The following ZSCAN30 variants were observed in gnomAD, a reference collection of about 807,000 sequenced individuals.
ZSCAN30 encodes zinc finger and SCAN domain containing 30.
ZSCAN30 carries 37 observed loss-of-function variants against 44.3 expected under a neutral mutation model. The observed-to-expected ratio is 0.84, with a 90% CI of 0.64 to 1.10. The LOEUF is 1.10. ZSCAN30 is among the 50% of genes least tolerant of loss of function. The pLI is 0.00. For missense variants in ZSCAN30, 549 were observed against 582.6 expected, an observed-to-expected ratio of 0.94 and a Z score of 0.59; for synonymous variants, 181 against 204.6, an observed-to-expected ratio of 0.88 and a Z score of 0.98.
chr18:35,266,354 G>C (rs974595656), intron 1 of ZSCAN30, among the ~76,000 whole-genome samples: 3 of 152,118 alleles, frequency 2.0e-5, no homozygotes, highest in African/African-American at 7.2e-5. Context: ...GAAGGGGTTT[G>C]TTGCAACCAT....
chr18:35,272,855 C>T (rs912808547), intron 1 of ZSCAN30, among the ~76,000 whole-genome samples: 2 of 152,210 alleles, frequency 1.3e-5, no homozygotes, highest in African/African-American at 4.8e-5. Context: ...AGGTGAAAGG[C>T]ATGTCTCACA....
chr18:35,261,799 C>T (rs777223524), intron 3 of ZSCAN30: 28 of 152,110 alleles, frequency 1.8e-4, no homozygotes, highest in Non-Finnish European at 3.7e-4. Flanking sequence ...GGGGCTGAGA[C>T]GATAGGGTTT....
rs538590752 is a variant in ZSCAN30, at chr18:35,272,865, A to G, written c.-103-8410T>C. Among the ~76,000 whole-genome samples the G allele has an allele frequency of 9.8e-5, 15 of 152,350 alleles. No homozygotes were observed. The South Asian group carries it at 2.9e-3, about 29-fold the overall frequency. ...GTGGAAGGTGAAAGGCATGTCTCAC[A>G]TGACAACAGCACAAGGGAGAATGAG... On this transcript the variant is annotated intron_variant, in intron 1 of 3. Coordinates refer to ENST00000333206, the MANE Select transcript of ZSCAN30 (RefSeq NM_001112734.4).
rs532916172 is a variant in ZSCAN30 at position 35,276,118 on chromosome 18, T to C, written c.-103-11663A>G. Among the ~76,000 whole-genome samples, 3 of 152,338 alleles carry C rather than the reference T, an allele frequency of 2.0e-5. No homozygotes were observed. The East Asian group carries it at 5.8e-4, about 29-fold the overall frequency. On this transcript the variant is annotated intron_variant, in intron 1 of 3. Transcript: ENST00000333206. ...TCTGTAGTTTATGTTTCTTGTGATG[T>C]ATTTGACTGATTTGGATATCAAAGT...
intron 1 of ZSCAN30, among the ~76,000 whole-genome samples, chr18:35,287,550 C>G (rs1325869758): frequency 1.3e-5 from 1 of 77,182 alleles, no homozygotes; most frequent in Non-Finnish European, 2.5e-5. Flanking sequence ...AGAAATGGTA[C>G]AGAACAACTG....
At position 35,254,252 on chromosome 18, in the gene ZSCAN30, G is replaced by A. The variant is rs886488250; in HGVS notation, c.683C>T (p.Ala228Val). 1.9e-6 allele frequency: 3 copies of A among 1,614,094 alleles called. No individual in the cohort carries two copies. The highest frequency in any genetic ancestry group is 2.2e-5 in the East Asian group (1 of 44,884). The change falls in exon 4 of 4, where the codon GCT (alanine) becomes GTT (valine). Residue 228 changes from alanine to valine, a missense_variant. Ala to Val is a moderately conservative substitution (Grantham distance 64, BLOSUM62 0). Transcript: ENST00000333206. ...ETHSQRIAEE[A>V]LGGLDNSKKQ... Reference sequence around the variant, plus strand: ...CTTAGAGTTGTCCAGACCTCCCAAAGCTTCTTCAGCTATCCGTTGGGAATG... The same window carrying A: ...CTTAGAGTTGTCCAGACCTCCCAAAACTTCTTCAGCTATCCGTTGGGAATG...
At chr18:35,261,120 A>G (rs1325868510) in intron 3 of ZSCAN30, 1 of 152,050 alleles carries the variant, frequency 6.6e-6, no homozygotes, top group East Asian at 1.9e-4. Context: ...TCCTTTCCCC[A>G]TTGCTTGTTT....
At chr18:35,279,373 A>G (rs1397858866) in intron 1 of ZSCAN30, among the ~76,000 whole-genome samples, 1 of 152,174 alleles carries the variant, frequency 6.6e-6, no homozygotes, top group African/African-American at 2.4e-5. Flanking sequence ...CTCTGCCTCC[A>G]TCATCACATG....
At chr18:35,278,946 T>A (rs185350594) in intron 1 of ZSCAN30, among the ~76,000 whole-genome samples, 5 of 152,320 alleles carry the variant, frequency 3.3e-5, no homozygotes, top group Non-Finnish European at 7.4e-5. Flanking sequence ...TCTAGCAGCA[T>A]TCTCTTCATA....
rs867523669 is a variant in ZSCAN30 at position 35,251,578 on chromosome 18, C to A, written c.*1872G>T. On this transcript the variant is annotated 3_prime_UTR_variant, in exon 4 of 4. Coordinates refer to ENST00000333206, the MANE Select transcript of ZSCAN30 (RefSeq NM_001112734.4). ...TAATCCCCAGGTGTTGAGGGAGGGT[C>A]GTGGTGGGAGGTGATTAGATCATGG... 3 of 152,088 alleles carry A rather than the reference C, an allele frequency of 2.0e-5. No homozygotes were observed. Among genetic ancestry groups the A allele is most frequent in the African/African-American group, 7.2e-5 (3 of 41,390 alleles). 9.4% of individuals were successfully genotyped at this position (152,088 alleles called of 1,614,324 possible).
At chr18:35,263,832 C>A in intron 2 of ZSCAN30, 113 bp downstream of exon 2, 1 of 1,453,198 alleles carries the variant, frequency 6.9e-7, no homozygotes, top group Non-Finnish European at 9.3e-7. Context: ...ATTAATAACC[C>A]AAAAGAAAGA....
chr18:35,254,180 GA>G lies in ZSCAN30; in HGVS notation c.754del (p.Ser252ProfsTer33). On this transcript the variant is annotated frameshift_variant, in exon 4 of 4. Coordinates refer to ENST00000333206, the MANE Select transcript of ZSCAN30 (RefSeq NM_001112734.4). LOFTEE classifies it high-confidence loss of function. Reference protein sequence around the residue: ...AAGNKISQLPSQDRHFSLATF... With the variant: ...AAGNKISQLPXQDRHFSLATF... ...TGCCAGACTGAAATGTCTGTCCTGG[GA>G]AGGAAGCTGACTGATTTTGTTCCCT... is the stretch of plus-strand genomic sequence containing the variant. The G allele has an allele frequency of 6.2e-7, 1 of 1,614,164 alleles. No individual in the cohort carries two copies. Among genetic ancestry groups the G allele is most frequent in the Non-Finnish European group, 8.5e-7 (1 of 1,180,008 alleles).
intron 1 of ZSCAN30, among the ~76,000 whole-genome samples, chr18:35,286,147 CT>C (rs1238153146): frequency 2.6e-5 from 4 of 152,058 alleles, no homozygotes; most frequent in Non-Finnish European, 1.5e-5. Context: ...AATATATAAC[CT>C]GAATAGCACC....
At chr18:35,271,754 G>T (rs7240945) in intron 1 of ZSCAN30, among the ~76,000 whole-genome samples, 118,900 of 151,990 alleles carry the variant, frequency 0.78, 48,137 homozygotes, top group Non-Finnish European at 0.89. Context: ...TTGCGGGGAG[G>T]GGGGGCGCTT....
rs567315858 is a variant in ZSCAN30 at position 35,251,252 on chromosome 18, T to A, written c.*2198A>T. The stretch of plus-strand genomic sequence containing the variant: ...ATGTTAACAACGTTTCTATGGGCAT[T>A]GGGATTGGGGGTGGTTTATACTTTC... On this transcript the variant is annotated 3_prime_UTR_variant, in exon 4 of 4. Transcript: ENST00000333206. 6.6e-6 allele frequency: 1 copy of A among 152,306 alleles called. No homozygotes were observed. Among genetic ancestry groups the A allele is most frequent in the East Asian group, 1.9e-4 (1 of 5,184 alleles). 9.4% of individuals were successfully genotyped at this position (152,306 alleles called of 1,614,324 possible).
intron 3 of ZSCAN30, chr18:35,261,742 TG>T (rs1434699950): frequency 6.6e-6 from 1 of 152,218 alleles, no homozygotes; most frequent in Non-Finnish European, 1.5e-5. Context: ...ACATTAATTT[TG>T]TATCCTGAGA....
chr18:35,257,763 T>C (rs1167284526), intron 3 of ZSCAN30, among the ~76,000 whole-genome samples: 1 of 152,192 alleles, frequency 6.6e-6, no homozygotes, highest in East Asian at 1.9e-4. Flanking sequence ...ACTTCCACCT[T>C]CATTGCCCCA....
At chr18:35,271,974 A>G (rs2044289447) in intron 1 of ZSCAN30, among the ~76,000 whole-genome samples, 1 of 152,058 alleles carries the variant, frequency 6.6e-6, no homozygotes, top group Non-Finnish European at 1.5e-5. Flanking sequence ...CCCACCCGGA[A>G]CTCGCGCTGG....
intron 1 of ZSCAN30, among the ~76,000 whole-genome samples, chr18:35,279,149 G>C (rs986075578): frequency 1.3e-5 from 2 of 151,976 alleles, no homozygotes; most frequent in Non-Finnish European, 2.9e-5. Flanking sequence ...TTAGATATTT[G>C]TACATAGCAC....
Sources: allele counts gnomAD v4.1 joint callset (sites outside exome capture counted in the v4.1 genomes callset), GRCh38; gene constraint gnomAD v4.1.1; transcripts MANE v1.5; gene names NCBI Gene and HGNC (gene_info 2026-07-23, HGNC 2026-07-21).